Variants in ADAM7 observed in about 807,000 individuals in gnomAD.
The protein encoded by ADAM7 is ADAM metallopeptidase domain 7, also known as disintegrin and metalloproteinase domain-containing protein 7.
A neutral mutation model predicts 102.9 loss-of-function variants in ADAM7; 97 were observed. That is an observed-to-expected ratio of 0.94 (90% confidence interval 0.80 to 1.12). The LOEUF (loss-of-function observed/expected upper bound fraction) is 1.12, where lower values mean the gene tolerates loss of function less well. Ranked by LOEUF, ADAM7 falls within the 50% of genes most tolerant of loss-of-function variation. The probability of loss-of-function intolerance (pLI) is 0.00; values close to 1 mark genes in which losing one functional copy is unlikely to be tolerated. For synonymous variants in ADAM7, 334 were observed against 304.4 expected, an observed-to-expected ratio of 1.10 and a Z score of -1.01; for missense variants, 991 against 908.7, an observed-to-expected ratio of 1.09 and a Z score of -1.16.
chr8:24,451,229 C>A (rs1295458737), intron 3 of ADAM7, among the ~76,000 whole-genome samples: 1 of 151,790 alleles, frequency 6.6e-6, no homozygotes, highest in African/African-American at 2.4e-5. Flanking sequence ...GGAATGGTAC[C>A]AGTTCCTCCT....
At chr8:24,454,408 T>C (rs1818922647) in intron 3 of ADAM7, among the ~76,000 whole-genome samples, 1 of 150,650 alleles carries the variant, frequency 6.6e-6, no homozygotes, top group Non-Finnish European at 1.5e-5. Flanking sequence ...GATCTCAGAC[T>C]GCTGTGCTAG....
intron 3 of ADAM7, among the ~76,000 whole-genome samples, chr8:24,449,154 T>G (rs1009945406): frequency 5.3e-5 from 8 of 152,222 alleles, no homozygotes; most frequent in African/African-American, 1.9e-4. Flanking sequence ...TTATAGTCCT[T>G]TGGGTATATA....
chr8:24,456,439 G>A (rs1585863724), intron 3 of ADAM7, among the ~76,000 whole-genome samples: 1 of 152,244 alleles, frequency 6.6e-6, no homozygotes, highest in South Asian at 2.1e-4. Flanking sequence ...TGAATATGGG[G>A]GAGGAGACAT....
chr8:24,500,032 G>T, intron 17 of ADAM7, 146 bp from the exon 18 acceptor site: 1 of 533,340 alleles, frequency 1.9e-6, no homozygotes, highest in Non-Finnish European at 3.2e-6. Flanking sequence ...CATTGATTTT[G>T]TTACACAGTT....
chr8:24,492,756 T>A (rs1205925045), intron 15 of ADAM7, among the ~76,000 whole-genome samples, 159 bp downstream of exon 15: 2 of 152,180 alleles, frequency 1.3e-5, no homozygotes, highest in African/African-American at 2.4e-5. Flanking sequence ...ATTATGCTAA[T>A]TCAAATTACT....
chr8:24,470,192 C>T (rs974791141), intron 7 of ADAM7, among the ~76,000 whole-genome samples: 7 of 152,024 alleles, frequency 4.6e-5, no homozygotes, highest in African/African-American at 1.7e-4. Flanking sequence ...TTTTAAACAA[C>T]AGAAGATACA....
chr8:24,492,629 C>G, intron 15 of ADAM7, 32 bp downstream of exon 15: 1 of 1,503,910 alleles, frequency 6.6e-7, no homozygotes, highest in Non-Finnish European at 9.2e-7. Context: ...AGTAATTTGC[C>G]TTCTTACAGC....
At chr8:24,503,046 T>C (rs1295574101) in intron 20 of ADAM7, among the ~76,000 whole-genome samples, 1 of 152,170 alleles carries the variant, frequency 6.6e-6, no homozygotes, top group Non-Finnish European at 1.5e-5. Flanking sequence ...TGAATCATGA[T>C]CAAGTATTAC....
In ADAM7 at chr8:24,441,179, A is replaced by G; in HGVS notation, c.52+19A>G. The G allele has an allele frequency of 6.3e-7, 1 of 1,599,546 alleles. No homozygotes were observed. Among genetic ancestry groups the G allele is most frequent in the Non-Finnish European group, 8.6e-7 (1 of 1,166,804 alleles). On this transcript the variant is annotated intron_variant, in intron 1 of 21. Transcript: ENST00000175238. ...GTTAAAGGTATGTCTTGCTCTTTTTATCAGGACTTTCTTATTATGCTGTGA... is the reference window on the plus strand; with the variant it reads ...GTTAAAGGTATGTCTTGCTCTTTTTGTCAGGACTTTCTTATTATGCTGTGA...
chr8:24,477,569 AGT>A (rs370769372), intron 8 of ADAM7, among the ~76,000 whole-genome samples: 10 of 145,626 alleles, frequency 6.9e-5, no homozygotes, highest in East Asian at 6.1e-4. Flanking sequence ...TACCCTCATC[AGT>A]GTGTGTGTGT....
intron 16 of ADAM7, among the ~76,000 whole-genome samples, chr8:24,497,688 C>G (rs1191529174): frequency 2.0e-5 from 3 of 151,996 alleles, no homozygotes; most frequent in African/African-American, 7.2e-5. Context: ...TGTCCCTAAT[C>G]TGAAGAATGT....
At chr8:24,445,083 C>G (rs186282688) in intron 2 of ADAM7, among the ~76,000 whole-genome samples, 11 of 152,166 alleles carry the variant, frequency 7.2e-5, no homozygotes, top group Non-Finnish European at 1.5e-5. Flanking sequence ...TAAAAATCTT[C>G]TAATATTTGT....
chr8:24,442,097 C>T (rs538741744), intron 1 of ADAM7, among the ~76,000 whole-genome samples: 1 of 152,232 alleles, frequency 6.6e-6, no homozygotes, highest in Admixed American at 6.5e-5. Context: ...TCGCTTGAAC[C>T]GGGGAGGCGG....
chr8:24,489,409 A>G (rs1038741822), intron 12 of ADAM7, 76 bp downstream of exon 12: 12 of 1,384,576 alleles, frequency 8.7e-6, no homozygotes, highest in Non-Finnish European at 1.2e-5. Flanking sequence ...GTGGCCATTA[A>G]TCAAACCAAC....
At chr8:24,459,069 G>A (rs572990472) in intron 3 of ADAM7, among the ~76,000 whole-genome samples, 1 of 151,894 alleles carries the variant, frequency 6.6e-6, no homozygotes, top group East Asian at 1.9e-4. Context: ...ATTCTCTCCT[G>A]TATTTTCTTA....
chr8:24,441,072 C>T lies in ADAM7; in HGVS notation c.-37C>T. The T allele has an allele frequency of 1.3e-6, 2 of 1,594,076 alleles. No individual in the cohort carries two copies. The highest frequency in any genetic ancestry group is 2.2e-5 in the East Asian group (1 of 44,750). On this transcript the variant is annotated 5_prime_UTR_variant, in exon 1 of 22. Transcript: ENST00000175238. ...AGGAAGAAAGGTGAACTCCTTTTCT[C>T]AAGCACTTCTGCTCTCCTCTACCAG...
chr8:24,500,147 T>C, intron 17 of ADAM7, 31 bp from the exon 18 acceptor site: 1 of 1,579,318 alleles, frequency 6.3e-7, no homozygotes, highest in Non-Finnish European at 8.7e-7. Flanking sequence ...ATATCAGTCA[T>C]TTGAGAATAT....
At chr8:24,452,343 G>C (rs1444852779) in intron 3 of ADAM7, among the ~76,000 whole-genome samples, 1 of 148,808 alleles carries the variant, frequency 6.7e-6, no homozygotes, top group Non-Finnish European at 1.5e-5. Flanking sequence ...CCTGTATTGG[G>C]TGCATATATA....
intron 3 of ADAM7, among the ~76,000 whole-genome samples, chr8:24,456,609 T>G (rs1186162280): frequency 1.4e-5 from 2 of 147,148 alleles, no homozygotes; most frequent in African/African-American, 5.0e-5. Flanking sequence ...CTGAGTCACC[T>G]CCTCTAAAAA....
Sources: gnomAD v4.1 joint callset for allele counts (sites outside exome capture counted in the v4.1 genomes callset) on GRCh38, gnomAD v4.1.1 for gene constraint, MANE v1.5 for transcripts, NCBI Gene and HGNC (gene_info 2026-07-23, HGNC 2026-07-21) for gene names.